GBP3: variants seen among roughly 807,000 people sequenced by gnomAD.
GBP3 encodes guanylate binding protein 3.
In GBP3, 55 loss-of-function variants were observed where a neutral mutation model predicts 62.4. The ratio of observed to expected loss-of-function variants is 0.88; its 90% confidence interval spans 0.71 to 1.10. The LOEUF (loss-of-function observed/expected upper bound fraction) is 1.10. GBP3 is among the 50% of genes least tolerant of loss of function. The probability of loss-of-function intolerance (pLI) is 0.00; values close to 1 mark genes in which losing one functional copy is unlikely to be tolerated. For missense variants in GBP3, 605 were observed against 690.6 expected (o/e 0.88, Z 1.39); for synonymous variants, 208 against 259.2 (o/e 0.80, Z 1.90).
rs750794401 is a variant in GBP3 at position 89,009,122 on chromosome 1, T to G, written c.1484A>C (p.Glu495Ala). 3.1e-5 allele frequency: 50 copies of G among 1,614,038 alleles called. No homozygotes were observed. The East Asian group carries it at 1.0e-3, about 34-fold the overall frequency. Residue 495 changes from glutamate (E) to alanine (A), a missense_variant, in exon 10 of 11, where the codon GAA becomes GCA. Glu to Ala is a moderately radical substitution (Grantham distance 107). Transcript: ENST00000370481. The part of the protein sequence containing the change: ...KEIEVECVKA[E>A]SAQASAKMVE... ...CATTTTTGCTGAAGCCTGTGCAGAT[T>G]CAGCTTTTACACATTCCACTGTGGA...
chr1:89,011,837 G>T lies in GBP3; in HGVS notation c.1059C>A (p.Asp353Glu). The T allele has an allele frequency of 4.1e-6, 6 of 1,461,974 alleles. 2 individuals carry two copies. Among genetic ancestry groups the T allele is most frequent in the Non-Finnish European group, 5.7e-6 (6 of 1,055,174 alleles). The allele number at this position is 1,461,974 out of a possible 1,614,324, so 90.6% of individuals were successfully genotyped here. Reference protein sequence around the residue: ...LPAETLQELLDLHRVSEREAT... With the variant: ...LPAETLQELLELHRVSEREAT... ...CCTCCCTCTCACTAACCCTGTGCAG[G>T]TCCAGCAGCTCCTGGAGGGTTTCTG... is the stretch of plus-strand genomic sequence containing the variant. Residue 353 changes from aspartate (D) to glutamate (E), a missense_variant, in exon 7 of 11, where the codon GAC becomes GAA. Physicochemically the swap from Asp to Glu is conservative, Grantham distance 45. Transcript: ENST00000370481.
chr1:89,008,870 C>G, intron 10 of GBP3, 77 bp downstream of exon 10: 1 of 1,604,442 alleles, frequency 6.2e-7, no homozygotes, highest in South Asian at 1.1e-5. Flanking sequence ...TATGTTCGCT[C>G]TGCCATACTA....
At chr1:89,013,076 G>T in intron 6 of GBP3, 109 bp downstream of exon 6, 1 of 1,227,868 alleles carries the variant, frequency 8.1e-7, no homozygotes, top group Middle Eastern at 2.8e-4. Context: ...GGCCTCAAGT[G>T]ATCTGCCCTC....
intron 2 of GBP3, among the ~76,000 whole-genome samples, chr1:89,018,650 A>T (rs577041458): frequency 1.0e-3 from 159 of 152,346 alleles, no homozygotes; most frequent in African/African-American, 3.7e-3. Flanking sequence ...GTAAATTCTT[A>T]TCTCTGTATA....
Position 89,007,516 on chromosome 1 carries a change from T to C in GBP3, c.*208A>G, listed in dbSNP as rs1678282121. The C allele has an allele frequency of 6.2e-6, 3 of 484,106 alleles. No individual in the cohort carries two copies. The highest frequency in any genetic ancestry group is 3.7e-5 in the Admixed American group (1 of 27,046). The allele number at this position is 484,106 out of a possible 1,614,324, so 30.0% of individuals were successfully genotyped here. A position where few individuals can be genotyped will look rare whatever the true frequency, so the allele number is the denominator to read the frequency against. On this transcript the variant is annotated 3_prime_UTR_variant, in exon 11 of 11. Coordinates refer to ENST00000370481, the MANE Select transcript of GBP3 (RefSeq NM_018284.3). The stretch of plus-strand genomic sequence containing the variant: ...GTGGCAACTCATGATCCCTCCTCTG[T>C]TGGTACAGAGGTAAATGCATCTTTG...
intron 7 of GBP3, 110 bp from the exon 8 acceptor site, chr1:89,011,226 A>G: frequency 2.3e-6 from 3 of 1,308,680 alleles, no homozygotes; most frequent in Non-Finnish European, 3.2e-6. Flanking sequence ...TGCCGGAGAA[A>G]CTGACAGACT....
Position 89,007,620 on chromosome 1 carries a change from TA to T in GBP3, c.*103del. On this transcript the variant is annotated 3_prime_UTR_variant, in exon 11 of 11. Transcript: ENST00000370481. ...GCATGTTCTTGTAAACTTTTAGTGT[TA>T]TGATGCAAGATCTAATTATTATCAA... 1 of 1,076,818 alleles carries T rather than the reference TA, an allele frequency of 9.3e-7. No individual in the cohort carries two copies. Among genetic ancestry groups the T allele is most frequent in the East Asian group, 2.4e-5 (1 of 41,638 alleles). 66.7% of individuals were successfully genotyped at this position (1,076,818 alleles called of 1,614,324 possible).
chr1:89,007,695 G>C lies in GBP3; in HGVS notation c.*29C>G. On this transcript the variant is annotated 3_prime_UTR_variant, in exon 11 of 11. Transcript: ENST00000370481. The stretch of plus-strand genomic sequence containing the variant: ...TCTAAAATTGTTTCAGTTATGCCTT[G>C]GGTTAGGATGACAGAAAAGCTCTGT... 1 of 1,591,488 alleles carries C rather than the reference G, an allele frequency of 6.3e-7. No individual in the cohort carries two copies. Among genetic ancestry groups the C allele is most frequent in the Non-Finnish European group, 8.5e-7 (1 of 1,169,734 alleles).
intron 2 of GBP3, among the ~76,000 whole-genome samples, chr1:89,018,997 C>A (rs769910315): frequency 6.6e-6 from 1 of 152,190 alleles, no homozygotes; most frequent in Non-Finnish European, 1.5e-5. Context: ...AAATTAGAAC[C>A]CTTGTGCATT....
intron 2 of GBP3, among the ~76,000 whole-genome samples, chr1:89,017,791 G>T (rs1290408037): frequency 1.3e-5 from 2 of 152,020 alleles, no homozygotes; most frequent in African/African-American, 4.8e-5. Flanking sequence ...AAAAAAAATT[G>T]AAAAGGGCTG....
intron 9 of GBP3, 106 bp downstream of exon 9, chr1:89,009,286 G>A: frequency 7.0e-7 from 1 of 1,419,722 alleles, no homozygotes. Context: ...TTTAGTTTAT[G>A]GAACTTAGGT....
rs370105248 is a variant in GBP3 at position 89,007,823 on chromosome 1, G to A, written c.1689C>T (p.Cys563=). 64 of 1,613,302 alleles carry A rather than the reference G, an allele frequency of 4.0e-5. No homozygotes were observed. The highest frequency in any genetic ancestry group is 5.3e-5 in the Non-Finnish European group (63 of 1,179,662). ...TTTGAAGTTGGGTACTTTCACCTTGGCATCTCTCCTTTAGTACTCGGGCCT... is the reference window on the plus strand; with the variant it reads ...TTTGAAGTTGGGTACTTTCACCTTGACATCTCTCCTTTAGTACTCGGGCCT... ...QEQARVLKER[C]QGESTQLQNE... is the part of the protein sequence containing the mutation. Residue 563 remains cysteine (C), a synonymous_variant, in exon 11 of 11, where the codon TGC becomes TGT. Coordinates refer to ENST00000370481, the MANE Select transcript of GBP3 (RefSeq NM_018284.3).
At chr1:89,018,649 T>C (rs1432618104) in intron 2 of GBP3, among the ~76,000 whole-genome samples, 1 of 152,232 alleles carries the variant, frequency 6.6e-6, no homozygotes, top group Non-Finnish European at 1.5e-5. Flanking sequence ...TGTAAATTCT[T>C]ATCTCTGTAT....
chr1:89,014,507 C>G, intron 4 of GBP3, 40 bp downstream of exon 4: 1 of 1,613,944 alleles, frequency 6.2e-7, no homozygotes, highest in Non-Finnish European at 8.5e-7. Context: ...TACAGGTGTC[C>G]CCTCTGACCT....
intron 2 of GBP3, among the ~76,000 whole-genome samples, chr1:89,018,081 A>C (rs1678984895): frequency 1.3e-5 from 2 of 151,880 alleles, no homozygotes; most frequent in South Asian, 4.2e-4. Flanking sequence ...TGTGTCTCAA[A>C]AAAAAAAAAA....
intron 1 of GBP3, 145 bp from the exon 2 acceptor site, chr1:89,020,888 T>C (rs1570910238): frequency 6.2e-6 from 4 of 647,508 alleles, no homozygotes; most frequent in East Asian, 2.7e-5. Context: ...TAAAAAATTA[T>C]GGAAGTATTA....
chr1:89,007,571 A>G lies in GBP3; in HGVS notation c.*153T>C. ...ACAATTTACAATCTTTTTAAGGAAA[A>G]AACATGATTTTGATCATTGAACTGC... is the stretch of plus-strand genomic sequence containing the variant. On this transcript the variant is annotated 3_prime_UTR_variant, in exon 11 of 11. Transcript: ENST00000370481. 1 of 740,574 alleles carries G rather than the reference A, an allele frequency of 1.4e-6. No individual in the cohort carries two copies. The highest frequency in any genetic ancestry group is 2.6e-5 in the East Asian group (1 of 38,928). The allele number at this position is 740,574 out of a possible 1,614,324, so 45.9% of individuals were successfully genotyped here. A position where few individuals can be genotyped will look rare whatever the true frequency, so the allele number is the denominator to read the frequency against.
In GBP3 at chr1:89,014,250, C is replaced by T. The variant is rs368046293; in HGVS notation, c.458G>A (p.Arg153Gln). The T allele has an allele frequency of 1.5e-5, 25 of 1,614,008 alleles. No homozygotes were observed. The highest frequency in any genetic ancestry group is 1.4e-4 in the South Asian group (13 of 91,076). ...YYVTELTHRI[R>Q]SKSSPDENEN... ...ATTCTCATCAGGTGAGGATTTTGAT[C>T]GGATTCGATGTGTCAGCTCTGTCAC... The change falls in exon 5 of 11, where the codon CGA (arginine) becomes CAA (glutamine). Residue 153 changes from arginine (R) to glutamine (Q), a missense_variant. Transcript: ENST00000370481.
intron 9 of GBP3, 55 bp downstream of exon 9, chr1:89,009,337 T>G: frequency 6.4e-7 from 1 of 1,559,954 alleles, no homozygotes; most frequent in Non-Finnish European, 8.7e-7. Context: ...ATTTGAAAAA[T>G]TATTTAAAAT....
Sources: gnomAD v4.1 joint callset for allele counts (sites outside exome capture counted in the v4.1 genomes callset) on GRCh38, gnomAD v4.1.1 for gene constraint, MANE v1.5 for transcripts, NCBI Gene and HGNC (gene_info 2026-07-23, HGNC 2026-07-21) for gene names.